The following RUNX1 variants were observed in gnomAD, a reference collection of about 807,000 sequenced individuals.
RUNX1 encodes the protein runt-related transcription factor 1.
RUNX1 carries 19 observed loss-of-function variants against 42.8 expected under a neutral mutation model. The ratio of observed to expected loss-of-function variants is 0.44; its 90% CI spans 0.31 to 0.65. The LOEUF is 0.65. Among genes scored for constraint, RUNX1 ranks in the 30% least tolerant of loss-of-function variants. The pLI is 0.07. For synonymous variants in RUNX1, 271 were observed against 289.4 expected, an observed-to-expected ratio of 0.94 and a Z score of 0.64; for missense variants, 528 against 672.0, an observed-to-expected ratio of 0.79 and a Z score of 2.37.
intron 2 of RUNX1, among the ~76,000 whole-genome samples, chr21:34,996,449 C>T (rs1025228884): frequency 6.6e-6 from 1 of 152,086 alleles, no homozygotes; most frequent in Non-Finnish European, 1.5e-5. Flanking sequence ...CTCCTGGGTT[C>T]CTGCTGTGTC....
intron 3 of RUNX1, among the ~76,000 whole-genome samples, chr21:34,889,266 C>G (rs1299213145): frequency 6.6e-6 from 1 of 152,140 alleles, no homozygotes; most frequent in African/African-American, 2.4e-5. Context: ...ACTCCGCGCT[C>G]CTGCACCGTC....
At chr21:34,945,736 T>C (rs2058559235) in intron 2 of RUNX1, among the ~76,000 whole-genome samples, 1 of 152,220 alleles carries the variant, frequency 6.6e-6, no homozygotes, top group Non-Finnish European at 1.5e-5. Context: ...TAAAGTAAGA[T>C]TCTTTAAGGC....
At chr21:34,820,348 G>T (rs2056890009) in intron 7 of RUNX1, among the ~76,000 whole-genome samples, 1 of 152,072 alleles carries the variant, frequency 6.6e-6, no homozygotes. Flanking sequence ...TTCCTTGCAT[G>T]CTTTAAGAAT....
At chr21:35,030,562 T>A (rs1301423962) in intron 2 of RUNX1, among the ~76,000 whole-genome samples, 1 of 152,114 alleles carries the variant, frequency 6.6e-6, no homozygotes, top group Non-Finnish European at 1.5e-5. Context: ...TAAGAGGGCA[T>A]TAGATCGGCT....
intron 2 of RUNX1, among the ~76,000 whole-genome samples, chr21:35,014,657 G>A (rs761883486): frequency 1.3e-5 from 2 of 152,202 alleles, no homozygotes; most frequent in Non-Finnish European, 2.9e-5. Flanking sequence ...TTTTTACAAT[G>A]TGTGCTTTTG....
intron 2 of RUNX1, among the ~76,000 whole-genome samples, chr21:35,044,545 C>T (rs1174899484): frequency 1.3e-5 from 2 of 152,214 alleles, no homozygotes; most frequent in African/African-American, 4.8e-5. Context: ...GAGAGAAGTT[C>T]TATATGCTAT....
chr21:34,922,491 C>T (rs576203824), intron 2 of RUNX1, among the ~76,000 whole-genome samples: 1 of 152,264 alleles, frequency 6.6e-6, no homozygotes, highest in South Asian at 2.1e-4. Context: ...CTTTATAGCT[C>T]TTAACTACTC....
At chr21:34,818,329 A>T (rs2056859885) in intron 7 of RUNX1, among the ~76,000 whole-genome samples, 1 of 152,188 alleles carries the variant, frequency 6.6e-6, no homozygotes, top group Admixed American at 6.5e-5. Flanking sequence ...TTGTTTTTTA[A>T]TTTCCAAAAG....
intron 2 of RUNX1, among the ~76,000 whole-genome samples, chr21:34,956,832 C>A (rs1457093568): frequency 4.6e-5 from 7 of 152,192 alleles, no homozygotes. Context: ...ACCACTACAT[C>A]ATAGATCTCA....
chr21:34,888,817 G>T, intron 3 of RUNX1: 1 of 420,442 alleles, frequency 2.4e-6, no homozygotes, highest in Non-Finnish European at 3.3e-6. Context: ...CAGCCAGGGC[G>T]CGGCTCGCCG....
intron 2 of RUNX1, among the ~76,000 whole-genome samples, chr21:35,019,407 A>G (rs2059182356): frequency 6.6e-6 from 1 of 152,164 alleles, no homozygotes; most frequent in Non-Finnish European, 1.5e-5. Context: ...CCACAGGTAT[A>G]TGTCTTCTGT....
intron 6 of RUNX1, among the ~76,000 whole-genome samples, chr21:34,856,775 G>C (rs1253467206): frequency 6.6e-6 from 1 of 152,180 alleles, no homozygotes; most frequent in Non-Finnish European, 1.5e-5. Context: ...ATTTTGCCAG[G>C]ATTTCCCAGA....
intron 6 of RUNX1, among the ~76,000 whole-genome samples, chr21:34,842,974 G>T (rs1231079092): frequency 6.6e-6 from 1 of 152,126 alleles, no homozygotes; most frequent in African/African-American, 2.4e-5. Context: ...AGTGGCTGAG[G>T]CAGAAGAATT....
intron 2 of RUNX1, among the ~76,000 whole-genome samples, chr21:35,048,542 C>A (rs1279731988): frequency 6.6e-6 from 1 of 152,252 alleles, no homozygotes; most frequent in Non-Finnish European, 1.5e-5. Flanking sequence ...GCTTCATAAT[C>A]TCTAAGCCTT....
At chr21:34,994,246 A>C (rs956699799) in intron 2 of RUNX1, among the ~76,000 whole-genome samples, 13 of 152,214 alleles carry the variant, frequency 8.5e-5, no homozygotes, top group African/African-American at 3.1e-4. Flanking sequence ...ATTAAAAAAA[A>C]AACTTCCAAG....
chr21:34,979,931 A>G (rs1393496132), intron 2 of RUNX1, among the ~76,000 whole-genome samples: 1 of 152,238 alleles, frequency 6.6e-6, no homozygotes, highest in Non-Finnish European at 1.5e-5. Flanking sequence ...AGTGGGCTCC[A>G]GAGCCAGGTC....
At chr21:34,842,513 AAATT>A (rs1175988228) in intron 6 of RUNX1, among the ~76,000 whole-genome samples, 8 of 151,632 alleles carry the variant, frequency 5.3e-5, no homozygotes. Context: ...AAAAAAAAAA[AAATT>A]AAATCAATCA....
At chr21:34,897,295 C>T (rs2058138432) in intron 2 of RUNX1, among the ~76,000 whole-genome samples, 1 of 152,188 alleles carries the variant, frequency 6.6e-6, no homozygotes, top group African/African-American at 2.4e-5. Context: ...AGATTTCTTA[C>T]AAAGATCTCT....
chr21:34,974,615 G>T (rs369496995), intron 2 of RUNX1, among the ~76,000 whole-genome samples: 1 of 152,154 alleles, frequency 6.6e-6, no homozygotes, highest in African/African-American at 2.4e-5. Flanking sequence ...CATGAAATGT[G>T]GTGTAGATGA....
Sources: allele counts gnomAD v4.1 joint callset (sites outside exome capture counted in the v4.1 genomes callset), GRCh38; gene constraint gnomAD v4.1.1; transcripts MANE v1.5; gene names NCBI Gene and HGNC (gene_info 2026-07-23, HGNC 2026-07-21).